LMX1A: variants seen among roughly 807,000 people sequenced by gnomAD.
LMX1A encodes the protein LIM homeobox transcription factor 1 alpha.
Under a neutral mutation model 49.1 loss-of-function variants are expected in LMX1A, and 15 were observed. That is an observed-to-expected ratio of 0.31 (90% CI 0.20 to 0.47). LMX1A has a LOEUF of 0.47. LMX1A is among the 20% of genes least tolerant of loss of function. The pLI is 1.00. For missense variants in LMX1A, 372 were observed against 475.8 expected (o/e 0.78, Z 2.03); for synonymous variants, 167 against 185.7 (o/e 0.90, Z 0.82).
intron 4 of LMX1A, among the ~76,000 whole-genome samples, chr1:165,230,012 C>T (rs539047428): frequency 1.4e-4 from 22 of 152,284 alleles, no homozygotes; most frequent in African/African-American, 4.6e-4. Context: ...GGGGAACCCT[C>T]GTGAATGCTT....
chr1:165,318,929 C>T (rs768967366), intron 3 of LMX1A, among the ~76,000 whole-genome samples: 5 of 151,530 alleles, frequency 3.3e-5, no homozygotes, highest in African/African-American at 9.7e-5. Flanking sequence ...TGGTTAAGCC[C>T]GGGTTAATTA....
intron 4 of LMX1A, among the ~76,000 whole-genome samples, chr1:165,245,959 T>C (rs957769863): frequency 5.3e-5 from 8 of 151,666 alleles, no homozygotes; most frequent in African/African-American, 1.7e-4. Flanking sequence ...ATCCAAGTCA[T>C]TGATAAAAAG....
chr1:165,209,996 G>T (rs1361370288), intron 6 of LMX1A, among the ~76,000 whole-genome samples: 1 of 152,234 alleles, frequency 6.6e-6, no homozygotes, highest in African/African-American at 2.4e-5. Flanking sequence ...ACAATTGATT[G>T]CTTGCTTGGT....
chr1:165,250,616 ACTAT>A (rs1300802842), intron 3 of LMX1A, among the ~76,000 whole-genome samples: 2 of 152,224 alleles, frequency 1.3e-5, no homozygotes, highest in African/African-American at 2.4e-5. Flanking sequence ...CAACAGTTAG[ACTAT>A]CTATTATATA....
chr1:165,242,945 A>AC (rs1557860844), intron 4 of LMX1A, among the ~76,000 whole-genome samples: 2 of 149,326 alleles, frequency 1.3e-5, no homozygotes, highest in African/African-American at 4.9e-5. Flanking sequence ...AAAAAAAAAA[A>AC]AACAAAACAA....
At chr1:165,272,062 C>T (rs1221076890) in intron 3 of LMX1A, among the ~76,000 whole-genome samples, 1 of 151,908 alleles carries the variant, frequency 6.6e-6, no homozygotes, top group Non-Finnish European at 1.5e-5. Context: ...AGGTTTGTTA[C>T]ATAAGTAAAC....
intron 3 of LMX1A, among the ~76,000 whole-genome samples, chr1:165,255,896 G>A (rs4657426): frequency 0.4 from 60,083 of 151,578 alleles, 12,136 homozygotes; most frequent in Admixed American, 0.45. Flanking sequence ...TCGCTTGAAC[G>A]CGGGAGGCAG....
At chr1:165,237,465 C>T (rs776091618) in intron 4 of LMX1A, among the ~76,000 whole-genome samples, 2 of 152,136 alleles carry the variant, frequency 1.3e-5, no homozygotes, top group Non-Finnish European at 2.9e-5. Context: ...GATCCGCCCG[C>T]CTCGGCCTCC....
chr1:165,250,729 C>A (rs1037860806), intron 3 of LMX1A, among the ~76,000 whole-genome samples: 1 of 152,116 alleles, frequency 6.6e-6, no homozygotes, highest in African/African-American at 2.4e-5. Flanking sequence ...CAGACATATC[C>A]AAATAATTAA....
chr1:165,211,981 G>A (rs936109673), intron 5 of LMX1A, among the ~76,000 whole-genome samples: 2 of 152,204 alleles, frequency 1.3e-5, no homozygotes, highest in Non-Finnish European at 2.9e-5. Context: ...ACATGGGCTG[G>A]GAGTTTAGTA....
At chr1:165,235,917 T>C (rs904491303) in intron 4 of LMX1A, among the ~76,000 whole-genome samples, 8 of 152,106 alleles carry the variant, frequency 5.3e-5, no homozygotes, top group Admixed American at 1.3e-4. Context: ...TTTCTGCGCC[T>C]GGCCTCTTGC....
chr1:165,289,429 T>C (rs953860), intron 3 of LMX1A, among the ~76,000 whole-genome samples: 1,969 of 152,282 alleles, frequency 0.013, 46 homozygotes, highest in African/African-American at 0.045. Flanking sequence ...CCCCAGGAAC[T>C]GGTTTGGGAT....
chr1:165,272,946 C>T (rs1339220367), intron 3 of LMX1A, among the ~76,000 whole-genome samples: 1 of 152,158 alleles, frequency 6.6e-6, no homozygotes, highest in Admixed American at 6.5e-5. Flanking sequence ...CATTAATAAG[C>T]ACATCCCTGG....
chr1:165,278,474 C>T (rs764042761), intron 3 of LMX1A, among the ~76,000 whole-genome samples: 5 of 152,180 alleles, frequency 3.3e-5, no homozygotes, highest in Non-Finnish European at 2.9e-5. Context: ...TACTACTTGG[C>T]ACTGAGTACC....
intron 3 of LMX1A, among the ~76,000 whole-genome samples, chr1:165,340,300 G>A (rs1318653507): frequency 6.6e-6 from 1 of 151,824 alleles, no homozygotes; most frequent in Non-Finnish European, 1.5e-5. Context: ...TAGAGATGGG[G>A]TCTCACTGCT....
intron 3 of LMX1A, among the ~76,000 whole-genome samples, chr1:165,309,237 G>A (rs138782906): frequency 3.3e-5 from 5 of 152,072 alleles, no homozygotes; most frequent in East Asian, 3.9e-4. Flanking sequence ...CTTGGCACAC[G>A]CTGCTACAGA....
At chr1:165,335,504 T>C (rs1469647583) in intron 3 of LMX1A, among the ~76,000 whole-genome samples, 2 of 152,018 alleles carry the variant, frequency 1.3e-5, no homozygotes, top group Non-Finnish European at 2.9e-5. Flanking sequence ...GCCTCTTAAA[T>C]ACAGTATGAT....
Position 165,339,437 on chromosome 1 carries a change from AC to A in LMX1A, c.263+13638del, listed in dbSNP as rs538751451. ...TGGGGAATTGGCCATGTGGTGGTAT[AC>A]TTCTGACAACATGCAATAGAGTTCT... is the stretch of plus-strand genomic sequence containing the variant. On this transcript the variant is annotated intron_variant, in intron 3 of 8. Coordinates refer to ENST00000342310, the MANE Select transcript of LMX1A (RefSeq NM_177398.4). 3.5e-3 allele frequency among the ~76,000 whole-genome samples: 536 copies of A among 152,344 alleles called. 1 individual carries two copies. Among genetic ancestry groups the A allele is most frequent in the African/African-American group, 0.012 (513 of 41,580 alleles).
intron 4 of LMX1A, among the ~76,000 whole-genome samples, chr1:165,238,639 G>A (rs752297588): frequency 3.3e-5 from 5 of 152,130 alleles, no homozygotes; most frequent in East Asian, 3.8e-4. Flanking sequence ...TGTTTTCATC[G>A]CTTTAATTAT....
Sources: allele counts gnomAD v4.1 joint callset (sites outside exome capture counted in the v4.1 genomes callset), GRCh38; gene constraint gnomAD v4.1.1; transcripts MANE v1.5; gene names NCBI Gene and HGNC (gene_info 2026-07-23, HGNC 2026-07-21).